RDX: variants seen among roughly 807,000 people sequenced by gnomAD.
The protein encoded by RDX is radixin.
In RDX, 32 loss-of-function variants were observed where a neutral mutation model predicts 83.7. The observed-to-expected ratio is 0.38, with a 90% CI of 0.29 to 0.51. The LOEUF (loss-of-function observed/expected upper bound fraction) is 0.51. Ranked by LOEUF, RDX falls within the 20% of genes least tolerant of loss-of-function variation. The probability of loss-of-function intolerance (pLI) is 0.87; values close to 1 mark genes in which losing one functional copy is unlikely to be tolerated. For missense variants in RDX, 600 were observed against 689.9 expected, an observed-to-expected ratio of 0.87 and a Z score of 1.46; for synonymous variants, 229 against 222.7, an observed-to-expected ratio of 1.03 and a Z score of -0.25.
chr11:110,282,507 ACT>A (rs1381105858), intron 1 of RDX, among the ~76,000 whole-genome samples: 1 of 152,152 alleles, frequency 6.6e-6, no homozygotes, highest in East Asian at 1.9e-4. Flanking sequence ...AACTACAAAG[ACT>A]CTAATTATAG....
chr11:110,186,263 C>T (rs1862984853), intron 15 of RDX, among the ~76,000 whole-genome samples: 1 of 152,096 alleles, frequency 6.6e-6, no homozygotes, highest in Non-Finnish European at 1.5e-5. Flanking sequence ...TGCAGTCTTT[C>T]TGCCCTGTGC....
At chr11:110,197,883 A>T (rs1296266123) in intron 15 of RDX, among the ~76,000 whole-genome samples, 1 of 152,246 alleles carries the variant, frequency 6.6e-6, no homozygotes, top group Non-Finnish European at 1.5e-5. Flanking sequence ...AGAGCAAATG[A>T]TGATGGATGT....
chr11:110,192,836 T>C (rs960459231), intron 15 of RDX, among the ~76,000 whole-genome samples: 3 of 139,014 alleles, frequency 2.2e-5, no homozygotes, highest in Admixed American at 7.2e-5. Context: ...GTAGGCTGAG[T>C]GGTTAGTATT....
At chr11:110,225,045 CTT>C (rs1344699664), downstream of RDX, among the ~76,000 whole-genome samples, 1 of 152,202 alleles carries the variant, frequency 6.6e-6, no homozygotes. Context: ...ACCACTCCAG[CTT>C]TATCATCCTA....
rs878964786 is a variant in RDX at position 110,230,579 on chromosome 11, T to TACACAAACAC, written c.*1289_*1290insGTGTTTGTGT. On this transcript the variant is annotated 3_prime_UTR_variant, in exon 14 of 14. Transcript: ENST00000645495. ...TTCTCTCTCTCATACACACACAGAG[T>TACACAAACAC]ACACACACACACACACACACACACA... 2 of 147,068 alleles carry TACACAAACAC rather than the reference T, an allele frequency of 1.4e-5. No homozygotes were observed. Among genetic ancestry groups the TACACAAACAC allele is most frequent in the African/African-American group, 5.0e-5 (2 of 39,768 alleles). 9.1% of individuals were successfully genotyped at this position (147,068 alleles called of 1,614,324 possible). A position where few individuals can be genotyped will look rare whatever the true frequency, so the allele number is the denominator to read the frequency against.
intron 15 of RDX, among the ~76,000 whole-genome samples, chr11:110,188,064 C>T (rs1449160218): frequency 6.6e-6 from 1 of 152,146 alleles, no homozygotes; most frequent in African/African-American, 2.4e-5. Context: ...GAGGCCGAGG[C>T]AGACACATCA....
intron 9 of RDX, among the ~76,000 whole-genome samples, chr11:110,250,872 A>G (rs1277495269): frequency 6.6e-6 from 1 of 152,230 alleles, no homozygotes; most frequent in Non-Finnish European, 1.5e-5. Flanking sequence ...TTCAAATAAT[A>G]CAAATGCCTT....
At chr11:110,214,625 A>C (rs1863962935) in intron 14 of RDX, among the ~76,000 whole-genome samples, 2 of 74,556 alleles carry the variant, frequency 2.7e-5, no homozygotes, top group Non-Finnish European at 2.7e-5. Context: ...GATTAAGAAA[A>C]TGTGGCACAT....
chr11:110,248,591 G>A (rs181718368), intron 9 of RDX, among the ~76,000 whole-genome samples: 106 of 152,148 alleles, frequency 7.0e-4, no homozygotes, highest in African/African-American at 2.4e-3. Context: ...TGCTTATAAG[G>A]CACACTTTAA....
chr11:110,252,062 G>A (rs560236097), intron 9 of RDX, among the ~76,000 whole-genome samples: 2 of 152,174 alleles, frequency 1.3e-5, no homozygotes, highest in South Asian at 2.1e-4. Flanking sequence ...TGTAAAGCAG[G>A]GAATAAATGA....
intron 5 of RDX, among the ~76,000 whole-genome samples, chr11:110,263,090 C>A (rs1162130910): frequency 6.6e-6 from 1 of 152,120 alleles, no homozygotes; most frequent in Non-Finnish European, 1.5e-5. Flanking sequence ...GCCTGGCCAA[C>A]ATAGTGATAC....
intron 13 of RDX, 63 bp downstream of exon 13, chr11:110,233,174 G>A: frequency 5.6e-6 from 9 of 1,597,548 alleles, no homozygotes; most frequent in Non-Finnish European, 7.7e-6. Flanking sequence ...AACTAAGTTT[G>A]TCTAAGATGG....
chr11:110,178,731 G>C (rs1256171985), intron 15 of RDX, among the ~76,000 whole-genome samples: 1 of 152,210 alleles, frequency 6.6e-6, no homozygotes, highest in Admixed American at 6.5e-5. Context: ...AGTAGTGAGG[G>C]CGCAGAGAGG....
chr11:110,245,655 C>G (rs1313031375), intron 10 of RDX, among the ~76,000 whole-genome samples: 1 of 152,154 alleles, frequency 6.6e-6, no homozygotes, highest in Non-Finnish European at 1.5e-5. Flanking sequence ...GCTTTCATAA[C>G]ATTATCATGT....
intron 3 of RDX, among the ~76,000 whole-genome samples, chr11:110,265,829 T>G (rs1339077504): frequency 6.6e-6 from 1 of 152,170 alleles, no homozygotes; most frequent in Non-Finnish European, 1.5e-5. Context: ...TAGATAAAAT[T>G]AATCACTTGT....
intron 14 of RDX, among the ~76,000 whole-genome samples, chr11:110,202,595 CTTTTTTTTTT>C (rs58793509): frequency 2.5e-5 from 3 of 121,304 alleles, no homozygotes; most frequent in Admixed American, 8.4e-5. Flanking sequence ...ATTTTTCTTT[CTTTTTTTTTT>C]TTTTTTTTGG....
intron 14 of RDX, among the ~76,000 whole-genome samples, chr11:110,205,733 GAA>G (rs568355184): frequency 2.0e-5 from 3 of 152,146 alleles, no homozygotes; most frequent in Non-Finnish European, 4.4e-5. Flanking sequence ...GGCAGAAATT[GAA>G]AAGTTTAGTG....
intron 5 of RDX, among the ~76,000 whole-genome samples, chr11:110,261,017 G>C (rs1029425113): frequency 6.6e-6 from 1 of 151,852 alleles, no homozygotes; most frequent in African/African-American, 2.4e-5. Context: ...ATCTGTCCTA[G>C]GTCTTTTTCT....
At chr11:110,186,037 C>T (rs1862980811) in intron 15 of RDX, among the ~76,000 whole-genome samples, 1 of 152,220 alleles carries the variant, frequency 6.6e-6, no homozygotes, top group South Asian at 2.1e-4. Flanking sequence ...GTATTAGTGA[C>T]TAGCTTCCCC....
Sources: allele counts gnomAD v4.1 joint callset (sites outside exome capture counted in the v4.1 genomes callset), GRCh38; gene constraint gnomAD v4.1.1; transcripts MANE v1.5; gene names NCBI Gene and HGNC (gene_info 2026-07-23, HGNC 2026-07-21).